GMPR: variants seen among roughly 807,000 people sequenced by gnomAD.
GMPR encodes GMP reductase 1.
A neutral mutation model predicts 38.4 loss-of-function variants in GMPR; 31 were observed. That is an observed-to-expected ratio of 0.81 (90% CI 0.61 to 1.09). GMPR has a LOEUF of 1.09. Among genes scored for constraint, GMPR ranks in the 50% least tolerant of loss-of-function variants. The pLI, the probability that GMPR is intolerant of heterozygous loss-of-function variation, is 0.00. For synonymous variants in GMPR, 162 were observed against 173.3 expected (o/e 0.93, Z 0.51); for missense variants, 468 against 453.7 (o/e 1.03, Z -0.29).
intron 7 of GMPR, chr6:16,289,427 T>TA (rs1554134792): frequency 1.3e-5 from 2 of 152,320 alleles, no homozygotes; most frequent in Non-Finnish European, 2.9e-5. Flanking sequence ...TTTTGACAGC[T>TA]AATCATTCAG....
intron 2 of GMPR, among the ~76,000 whole-genome samples, chr6:16,249,367 A>C (rs983720706): frequency 2.6e-5 from 4 of 151,992 alleles, no homozygotes; most frequent in Middle Eastern, 3.2e-3. Flanking sequence ...ATGGGGTTTC[A>C]CTATGTTAGT....
At chr6:16,290,720 A>G in intron 8 of GMPR, 99 bp downstream of exon 8, 1 of 1,005,430 alleles carries the variant, frequency 9.9e-7, no homozygotes. Flanking sequence ...TGTGTATATT[A>G]AAGTACCGTG....
At chr6:16,242,626 T>G (rs1758672542) in intron 1 of GMPR, among the ~76,000 whole-genome samples, 1 of 152,098 alleles carries the variant, frequency 6.6e-6, no homozygotes, top group Non-Finnish European at 1.5e-5. Flanking sequence ...AAATTTCTCC[T>G]TTTTATTTTA....
intron 8 of GMPR, among the ~76,000 whole-genome samples, chr6:16,292,527 A>G (rs562151562): frequency 6.7e-4 from 102 of 152,274 alleles, no homozygotes; most frequent in African/African-American, 2.2e-3. Flanking sequence ...CTTTCCCCCA[A>G]GCGGTCCCTG....
chr6:16,267,020 C>CT, intron 4 of GMPR, among the ~76,000 whole-genome samples: 1 of 151,618 alleles, frequency 6.6e-6, no homozygotes, highest in East Asian at 2.0e-4. Flanking sequence ...CCTTTAAGAG[C>CT]TGTAACACTC....
chr6:16,289,379 A>C (rs1311258065), intron 7 of GMPR: 1 of 152,294 alleles, frequency 6.6e-6, no homozygotes, highest in African/African-American at 2.4e-5. Flanking sequence ...CCATGAACAA[A>C]ATGGGGAATG....
chr6:16,250,429 T>A (rs540675713), intron 3 of GMPR, 62 bp downstream of exon 3: 3 of 926,816 alleles, frequency 3.2e-6, no homozygotes, highest in Non-Finnish European at 5.4e-6. Flanking sequence ...TCTTCAGAGC[T>A]GTCAAGAGGA....
At chr6:16,255,673 GC>G (rs1758958904) in intron 4 of GMPR, among the ~76,000 whole-genome samples, 1 of 152,130 alleles carries the variant, frequency 6.6e-6, no homozygotes, top group Non-Finnish European at 1.5e-5. Flanking sequence ...TTGGGCTTTT[GC>G]AAAAACCTGT....
At chr6:16,250,398 GT>G in intron 3 of GMPR, 31 bp downstream of exon 3, 2 of 1,242,678 alleles carry the variant, frequency 1.6e-6, no homozygotes, top group Non-Finnish European at 2.4e-6. Context: ...TCAATTACCA[GT>G]GCTGCAGGGG....
intron 7 of GMPR, among the ~76,000 whole-genome samples, chr6:16,288,336 CCCTGCACTCGGAGCGGCCGG>C (rs1365615539): frequency 7.9e-5 from 12 of 152,328 alleles, no homozygotes; most frequent in African/African-American, 2.9e-4. Context: ...GCTTGGCAGG[CCCTGCACTCGGAGCGGCCGG>C]CTGGCCCTGC....
Position 16,254,635 on chromosome 6 carries a change from AG to A in GMPR, c.367del (p.Val123LeufsTer20). On this transcript the variant is annotated frameshift_variant, in exon 4 of 9. Transcript: ENST00000259727. LOFTEE classifies it high-confidence loss of function. Reference sequence around the variant, plus strand: ...ACCAGCATCCTGGAAGCTGTGCCACAGGTTAAGTTTATTTGCCTGGATGTGG... The same window carrying A: ...ACCAGCATCCTGGAAGCTGTGCCACAGTTAAGTTTATTTGCCTGGATGTGG... ...KMTSILEAVP[Q>X]VKFICLDVAN... 1 of 1,613,850 alleles carries A rather than the reference AG, an allele frequency of 6.2e-7. No individual in the cohort carries two copies. Among genetic ancestry groups the A allele is most frequent in the Non-Finnish European group, 8.5e-7 (1 of 1,179,670 alleles).
At chr6:16,291,860 A>G (rs577611386) in intron 8 of GMPR, among the ~76,000 whole-genome samples, 1 of 151,396 alleles carries the variant, frequency 6.6e-6, no homozygotes, top group African/African-American at 2.4e-5. Flanking sequence ...GCAGTGAGCT[A>G]TGATCGTGCC....
chr6:16,266,331 C>G (rs562168579), intron 4 of GMPR, among the ~76,000 whole-genome samples: 4 of 147,554 alleles, frequency 2.7e-5, no homozygotes, highest in African/African-American at 1.0e-4. Context: ...ACGAACAACT[C>G]TGGGTGCGCC....
rs996681872 is a variant in GMPR, at chr6:16,256,442, T to C, written c.465+1707T>C. Among the ~76,000 whole-genome samples, 3 of 149,602 alleles carry C rather than the reference T, an allele frequency of 2.0e-5. No homozygotes were observed. The South Asian group carries it at 6.4e-4, about 32-fold the overall frequency. ...CTACTTGGGAGGCTGAGGCAGAGAA[T>C]TGCTCGAACCCGGGAGGCAAAGGTG... On this transcript the variant is annotated intron_variant, in intron 4 of 8. Coordinates refer to ENST00000259727, the MANE Select transcript of GMPR (RefSeq NM_006877.4).
At chr6:16,262,413 G>A (rs1759105341) in intron 4 of GMPR, 1 of 152,024 alleles carries the variant, frequency 6.6e-6, no homozygotes, top group African/African-American at 2.4e-5. Flanking sequence ...ATCCTGGGCT[G>A]CAGGCATTCC....
At chr6:16,266,265 G>C (rs771938733) in intron 4 of GMPR, among the ~76,000 whole-genome samples, 1 of 151,744 alleles carries the variant, frequency 6.6e-6, no homozygotes, top group Non-Finnish European at 1.5e-5. Context: ...CACTCACTGC[G>C]AAGGTCTGAG....
chr6:16,243,603 C>CT (rs1758694998), intron 1 of GMPR, among the ~76,000 whole-genome samples: 1 of 152,170 alleles, frequency 6.6e-6, no homozygotes, highest in Non-Finnish European at 1.5e-5. Context: ...AATGAGCGAT[C>CT]TATATAATAG....
intron 6 of GMPR, among the ~76,000 whole-genome samples, chr6:16,281,559 G>A (rs1015699299): frequency 3.9e-5 from 6 of 152,002 alleles, no homozygotes; most frequent in Admixed American, 1.3e-4. Flanking sequence ...AGGCTGGAGT[G>A]CAGTGGCATG....
chr6:16,287,049 C>G (rs1759697163), intron 7 of GMPR, among the ~76,000 whole-genome samples: 1 of 152,216 alleles, frequency 6.6e-6, no homozygotes, highest in Non-Finnish European at 1.5e-5. Flanking sequence ...TAACCTCCTC[C>G]TAATCATAGA....
Sources: allele counts gnomAD v4.1 joint callset (sites outside exome capture counted in the v4.1 genomes callset), GRCh38; gene constraint gnomAD v4.1.1; transcripts MANE v1.5; gene names NCBI Gene and HGNC (gene_info 2026-07-23, HGNC 2026-07-21).